OGDHL: variants seen among roughly 807,000 people sequenced by gnomAD.
OGDHL encodes oxoglutarate dehydrogenase L.
Under a neutral mutation model 109.6 loss-of-function variants are expected in OGDHL, and 79 were observed. That is an observed-to-expected ratio of 0.72 (90% CI 0.60 to 0.87). OGDHL has a LOEUF of 0.87. Ranked by LOEUF, OGDHL falls within the 40% of genes least tolerant of loss-of-function variation. The pLI, the probability that OGDHL is intolerant of heterozygous loss-of-function variation, is 0.00. For synonymous variants in OGDHL, 528 were observed against 537.2 expected (o/e 0.98, Z 0.24); for missense variants, 1,275 against 1,362.2 (o/e 0.94, Z 1.01).
At chr10:49,743,557 C>T (rs1455001842) in intron 14 of OGDHL, 1 of 170,004 alleles carries the variant, frequency 5.9e-6, no homozygotes, top group Admixed American at 5.8e-5. Flanking sequence ...ACATTCTAGT[C>T]TCACCCCGGA....
chr10:49,748,462 A>T (rs1158589770), intron 8 of OGDHL, among the ~76,000 whole-genome samples: 1 of 152,218 alleles, frequency 6.6e-6, no homozygotes, highest in Non-Finnish European at 1.5e-5. Flanking sequence ...TCACTGAGGA[A>T]CATATTCTCA....
intron 19 of OGDHL, 32 bp from the exon 20 acceptor site, chr10:49,737,890 T>C (rs2132945244): frequency 6.2e-7 from 1 of 1,614,122 alleles, no homozygotes; most frequent in South Asian, 1.1e-5. Flanking sequence ...AGCTGCCAGC[T>C]GGCCCTGCCT....
chr10:49,743,393 G>GGTCTCC (rs968828282), intron 14 of OGDHL, among the ~76,000 whole-genome samples: 1 of 152,148 alleles, frequency 6.6e-6, no homozygotes, highest in South Asian at 2.1e-4. Flanking sequence ...CAGGACATTC[G>GGTCTCC]GTCTCGGTGC....
intron 3 of OGDHL, among the ~76,000 whole-genome samples, chr10:49,756,275 G>A (rs780317869): frequency 7.2e-5 from 11 of 152,172 alleles, no homozygotes; most frequent in Non-Finnish European, 1.5e-4. Context: ...CCATCACTGG[G>A]ACTCTGACAG....
intron 8 of OGDHL, among the ~76,000 whole-genome samples, chr10:49,748,065 G>A (rs1842320902): frequency 1.3e-5 from 2 of 152,200 alleles, no homozygotes; most frequent in Non-Finnish European, 2.9e-5. Flanking sequence ...ACTGTGGATG[G>A]GCTCGCTGAC....
Position 49,756,844 on chromosome 10 carries a change from T to C in OGDHL, c.307A>G (p.Ser103Gly), listed in dbSNP as rs1214046854. The C allele has an allele frequency of 1.2e-6, 2 of 1,613,998 alleles. No homozygotes were observed. Among genetic ancestry groups the C allele is most frequent in the Admixed American group, 1.7e-5 (1 of 60,010 alleles). The part of the protein sequence containing the change: ...VVHESRSAVS[S>G]RTKTSKLVED... ...ACCAATTTGCTGGTCTTGGTCCGAC[T>C]TGAGACTGCAGACCTGCTCTCATGG... Residue 103 changes from serine (S) to glycine (G), a missense_variant, in exon 3 of 23, where the codon AGT becomes GGT. Transcript: ENST00000374103.
intron 14 of OGDHL, among the ~76,000 whole-genome samples, chr10:49,743,181 G>A (rs982693516): frequency 6.6e-6 from 1 of 152,230 alleles, no homozygotes; most frequent in South Asian, 2.1e-4. Context: ...TGGAGGGGTG[G>A]AGCAGGTACC....
intron 8 of OGDHL, among the ~76,000 whole-genome samples, chr10:49,747,482 G>A (rs755055389): frequency 1.3e-5 from 2 of 152,146 alleles, no homozygotes; most frequent in East Asian, 1.9e-4. Context: ...GCCATCCAGC[G>A]GTGGGGAAGG....
intron 1 of OGDHL, 101 bp from the exon 2 acceptor site, chr10:49,758,694 G>A (rs766387132): frequency 1.0e-5 from 12 of 1,178,178 alleles, no homozygotes; most frequent in South Asian, 6.7e-5. Context: ...CATTCCCACT[G>A]GGCAGATGGT....
intron 15 of OGDHL, among the ~76,000 whole-genome samples, chr10:49,742,044 T>TATCACAC (rs58824890): frequency 0.41 from 53,929 of 131,036 alleles, 11,874 homozygotes; most frequent in East Asian, 0.85. Flanking sequence ...ATACCACACA[T>TATCACAC]ATCACACGCA....
At chr10:49,743,055 C>T in intron 14 of OGDHL, 77 bp from the exon 15 acceptor site, 1 of 1,530,220 alleles carries the variant, frequency 6.5e-7, no homozygotes, top group African/African-American at 1.4e-5. Flanking sequence ...TCAGCACACA[C>T]CCCGCACAAA....
chr10:49,738,052 C>T lies in OGDHL; in HGVS notation c.2412G>A (p.Glu804=). 2 of 1,614,168 alleles carry T rather than the reference C, an allele frequency of 1.2e-6. No homozygotes were observed. Among genetic ancestry groups the T allele is most frequent in the Middle Eastern group, 1.6e-4 (1 of 6,062 alleles). ...DAYPAFTKDF[E]VSQLYDCNWI... ...AGTTGCAGTCATAGAGCTGGCTCAC[C>T]TCGAAGTCCTTGGTGAATGCCTGTG... Residue 804 remains glutamate (E), a synonymous_variant, in exon 19 of 23, where the codon GAG becomes GAA. Coordinates refer to ENST00000374103, the MANE Select transcript of OGDHL (RefSeq NM_018245.3).
rs887927435 is a variant in OGDHL at position 49,749,881 on chromosome 10, C to T, written c.897-65G>A. Reference sequence around the variant, plus strand: ...GCAGGCCTCAGGGTTCCCTCCCCCACTGTGGAGGCCTGGCCTGGCCTAATA... The same window carrying T: ...GCAGGCCTCAGGGTTCCCTCCCCCATTGTGGAGGCCTGGCCTGGCCTAATA... On this transcript the variant is annotated intron_variant, in intron 7 of 22. Transcript: ENST00000374103. 84 of 1,384,658 alleles carry T rather than the reference C, an allele frequency of 6.1e-5. No individual in the cohort carries two copies. The African/African-American group carries it at 1.1e-3, about 18-fold the overall frequency. The allele number at this position is 1,384,658 out of a possible 1,614,324, so 85.8% of individuals were successfully genotyped here.
Position 49,745,483 on chromosome 10 carries a change from C to G in OGDHL, c.1490G>C (p.Arg497Pro). ...DVVVDLVCYR[R>P]RGHNEMDEPM... is the part of the protein sequence containing the mutation. Reference sequence around the variant, plus strand: ...CTCGTCCATCTCATTGTGGCCACGCCGGCGGTAACAGACCTGCAGGAGCAG... The same window carrying G: ...CTCGTCCATCTCATTGTGGCCACGCGGGCGGTAACAGACCTGCAGGAGCAG... Residue 497 changes from arginine (R) to proline (P), a missense_variant, in exon 12 of 23, where the codon CGG becomes CCG. Physicochemically the swap from Arg to Pro is moderately radical, Grantham distance 103 (BLOSUM62 -2). Transcript: ENST00000374103. 1 of 1,613,940 alleles carries G rather than the reference C, an allele frequency of 6.2e-7. No homozygotes were observed. The highest frequency in any genetic ancestry group is 8.5e-7 in the Non-Finnish European group (1 of 1,180,036).
At chr10:49,737,468 A>T (rs1841282728) in intron 20 of OGDHL, among the ~76,000 whole-genome samples, 1 of 152,206 alleles carries the variant, frequency 6.6e-6, no homozygotes, top group South Asian at 2.1e-4. Flanking sequence ...ATGAATTTTT[A>T]AAATGGACAA....
In OGDHL at chr10:49,739,461, G is replaced by A. The variant is rs17775990; in HGVS notation, c.2319+200C>T. On this transcript the variant is annotated intron_variant, in intron 17 of 22. Coordinates refer to ENST00000374103, the MANE Select transcript of OGDHL (RefSeq NM_018245.3). ...ACAGCAAGCACTCATACGTGGTAGCGCCTTCTGCTGCCAGGGGTAGCATCA... is the reference window on the plus strand; with the variant it reads ...ACAGCAAGCACTCATACGTGGTAGCACCTTCTGCTGCCAGGGGTAGCATCA... 0.43 allele frequency: 245,145 copies of A among 573,976 alleles called. 55,988 individuals are homozygous for A. Among genetic ancestry groups the A allele is most frequent in the Middle Eastern group, 0.52 (1,153 of 2,198 alleles). 35.6% of individuals were successfully genotyped at this position (573,976 alleles called of 1,614,324 possible).
intron 15 of OGDHL, 27 bp from the exon 16 acceptor site, chr10:49,740,864 A>C (rs1841600354): frequency 6.2e-7 from 1 of 1,613,034 alleles, no homozygotes; most frequent in East Asian, 2.2e-5. Flanking sequence ...CGGGGCAGGG[A>C]CAGAGGGCAG....
intron 7 of OGDHL, 106 bp downstream of exon 7, chr10:49,750,733 C>T (rs1164130573): frequency 5.7e-6 from 8 of 1,407,774 alleles, no homozygotes; most frequent in East Asian, 5.2e-5. Context: ...CACCTCTACC[C>T]CCAGGTCCCA....
At chr10:49,751,739 C>T in intron 6 of OGDHL, 88 bp downstream of exon 6, 2 of 1,497,810 alleles carry the variant, frequency 1.3e-6, no homozygotes, top group Non-Finnish European at 1.8e-6. Flanking sequence ...CCTGTGGTAC[C>T]CTCCTGCTCT....
Sources: gnomAD v4.1 joint callset for allele counts (sites outside exome capture counted in the v4.1 genomes callset) on GRCh38, gnomAD v4.1.1 for gene constraint, MANE v1.5 for transcripts, NCBI Gene and HGNC (gene_info 2026-07-23, HGNC 2026-07-21) for gene names.